The following VPS35L variants were observed in gnomAD, a reference collection of about 807,000 sequenced individuals.
VPS35L encodes the protein VPS35 endosomal protein-sorting factor-like.
VPS35L carries 83 observed loss-of-function variants against 133.0 expected under a neutral mutation model. That is an observed-to-expected ratio of 0.62 (90% CI 0.52 to 0.75). The LOEUF (loss-of-function observed/expected upper bound fraction) is 0.75. VPS35L is among the 30% of genes least tolerant of loss of function. The probability of loss-of-function intolerance (pLI) is 0.00; values close to 1 mark genes in which losing one functional copy is unlikely to be tolerated. For missense variants in VPS35L, 1,083 were observed against 1,206.8 expected (o/e 0.90, Z 1.52); for synonymous variants, 423 against 449.9 (o/e 0.94, Z 0.76).
chr16:19,664,183 C>T (rs1327218501), intron 26 of VPS35L, among the ~76,000 whole-genome samples: 3 of 152,030 alleles, frequency 2.0e-5, no homozygotes, highest in Non-Finnish European at 4.4e-5. Context: ...AGCAAGGACC[C>T]CAACAATTCT....
chr16:19,562,143 A>C (rs1971048956), intron 1 of VPS35L, among the ~76,000 whole-genome samples: 1 of 152,142 alleles, frequency 6.6e-6, no homozygotes. Flanking sequence ...TGTTAAAGGA[A>C]ATGAGACAGG....
chr16:19,690,033 C>G (rs550419341), intron 28 of VPS35L, among the ~76,000 whole-genome samples: 1 of 152,258 alleles, frequency 6.6e-6, no homozygotes, highest in Non-Finnish European at 1.5e-5. Context: ...CCACCTTAGC[C>G]TCCCAAGTAT....
intron 26 of VPS35L, among the ~76,000 whole-genome samples, chr16:19,656,961 TG>T (rs1350218173): frequency 1.6e-4 from 23 of 140,714 alleles, no homozygotes; most frequent in African/African-American, 5.4e-4. Flanking sequence ...CAAAAGAACT[TG>T]TTTTTTTTTT....
intron 1 of VPS35L, among the ~76,000 whole-genome samples, chr16:19,557,825 C>G (rs12919498): frequency 0.17 from 25,657 of 151,840 alleles, 2,342 homozygotes; most frequent in African/African-American, 0.23. Context: ...CCGAGGCAGG[C>G]GGACCACCTG....
intron 27 of VPS35L, among the ~76,000 whole-genome samples, chr16:19,677,513 C>T (rs895351150): frequency 6.6e-6 from 1 of 152,144 alleles, no homozygotes; most frequent in Non-Finnish European, 1.5e-5. Flanking sequence ...AGTAAGTAGT[C>T]AGCTAGGCAC....
chr16:19,616,122 G>A lies in VPS35L; in HGVS notation c.1032G>A (p.Met344Ile). ...YARAYLCRVG[M>I]EVAPHLKETL... ...CATTTGTCTGGCTGCAGGTGGGAAT[G>A]GAAGTGGCCCCACATCTCAAAGAAA... Residue 344 changes from methionine (M) to isoleucine (I), a missense_variant, in exon 13 of 31, where the codon ATG (methionine) becomes ATA (isoleucine). Transcript: ENST00000417362. The A allele has an allele frequency of 1.2e-6, 2 of 1,613,078 alleles. No homozygotes were observed. The highest frequency in any genetic ancestry group is 1.7e-6 in the Non-Finnish European group (2 of 1,179,260).
rs543316684 is a variant in VPS35L at position 19,653,443 on chromosome 16, G to A, written c.2221+1353G>A. Among the ~76,000 whole-genome samples the A allele has an allele frequency of 7.2e-5, 11 of 152,326 alleles. No individual in the cohort carries two copies. In the South Asian group the frequency reaches 2.1e-3, roughly 29 times the overall value. On this transcript the variant is annotated intron_variant, in intron 26 of 30. Transcript: ENST00000417362. ...GCCACATGGGGCCGGTGCTGTGGCTGGTGCCTTATTACCCAGGTGAGTAAA... is the reference window on the plus strand; with the variant it reads ...GCCACATGGGGCCGGTGCTGTGGCTAGTGCCTTATTACCCAGGTGAGTAAA...
At chr16:19,680,910 A>C (rs1975248932) in intron 27 of VPS35L, among the ~76,000 whole-genome samples, 1 of 109,320 alleles carries the variant, frequency 9.1e-6, no homozygotes. Flanking sequence ...CTGTCTCAGA[A>C]CCCGCCCCCC....
chr16:19,616,991 C>G, intron 14 of VPS35L, 183 bp downstream of exon 14: 1 of 850,776 alleles, frequency 1.2e-6, no homozygotes, highest in Non-Finnish European at 1.9e-6. Context: ...CTGAGATAGT[C>G]TCATTTTGAC....
intron 18 of VPS35L, among the ~76,000 whole-genome samples, chr16:19,630,774 G>T (rs1321562376): frequency 6.6e-6 from 1 of 152,022 alleles, no homozygotes; most frequent in African/African-American, 2.4e-5. Context: ...TCCTTATGAA[G>T]GAGATTAATG....
chr16:19,629,622 AATAAAAGATC>A (rs1175534627), intron 17 of VPS35L, 135 bp from the exon 18 acceptor site: 1 of 585,574 alleles, frequency 1.7e-6, no homozygotes, highest in African/African-American at 1.9e-5. Flanking sequence ...GATATTCCTA[AATAAAAGATC>A]AGCCTTTAAG....
chr16:19,618,570 T>G (rs917518405), intron 14 of VPS35L, among the ~76,000 whole-genome samples: 1 of 152,200 alleles, frequency 6.6e-6, no homozygotes, highest in Non-Finnish European at 1.5e-5. Flanking sequence ...TAAGTGGCAG[T>G]GTGGCCTAGT....
intron 1 of VPS35L, among the ~76,000 whole-genome samples, chr16:19,556,259 T>G (rs768782790): frequency 2.3e-4 from 35 of 152,082 alleles, no homozygotes; most frequent in Non-Finnish European, 4.6e-4. Flanking sequence ...GACAGTATAA[T>G]GGGGCAGACG....
At chr16:19,650,345 C>T (rs376847068) in intron 24 of VPS35L, 37 bp from the exon 25 acceptor site, 36 of 1,516,914 alleles carry the variant, frequency 2.4e-5, no homozygotes, top group Non-Finnish European at 2.8e-5. Flanking sequence ...AATCGGCCAT[C>T]GCTTCATTAC....
intron 9 of VPS35L, among the ~76,000 whole-genome samples, chr16:19,605,379 C>A (rs1000625721): frequency 6.6e-6 from 1 of 152,178 alleles, no homozygotes; most frequent in East Asian, 1.9e-4. Flanking sequence ...AGCCCAAGTG[C>A]TGAAGTCTAA....
intron 20 of VPS35L, among the ~76,000 whole-genome samples, chr16:19,638,511 A>G (rs1405450553): frequency 6.6e-6 from 1 of 152,246 alleles, no homozygotes; most frequent in Non-Finnish European, 1.5e-5. Context: ...AGTTTCATAT[A>G]TAAATTAGGC....
chr16:19,586,767 T>C (rs374761543), intron 7 of VPS35L, among the ~76,000 whole-genome samples: 22 of 152,362 alleles, frequency 1.4e-4, no homozygotes, highest in Middle Eastern at 3.4e-3. Context: ...AGAAGTGTTA[T>C]AATTTTAGCA....
chr16:19,555,828 T>G, intron 1 of VPS35L, 82 bp downstream of exon 1: 2 of 1,492,662 alleles, frequency 1.3e-6, no homozygotes, highest in Non-Finnish European at 1.8e-6. Flanking sequence ...AGAGTGTGAA[T>G]TCCTCTCTGT....
rs543937969 is a variant in VPS35L, at chr16:19,593,918, A to G, written c.724+2044A>G. Reference sequence around the variant, plus strand: ...GGCGACAGGGCGAGACTCCGTCTCCAAAAAAAAAAAAGAAAAGAGAAAAAA... The same window carrying G: ...GGCGACAGGGCGAGACTCCGTCTCCGAAAAAAAAAAAGAAAAGAGAAAAAA... On this transcript the variant is annotated intron_variant, in intron 8 of 30. Transcript: ENST00000417362. Among the ~76,000 whole-genome samples, 93 of 134,906 alleles carry G rather than the reference A, an allele frequency of 6.9e-4. 1 individual carries two copies. Among genetic ancestry groups the G allele is most frequent in the Non-Finnish European group, 1.3e-3 (81 of 64,320 alleles). 88.5% of individuals were successfully genotyped at this position (134,906 alleles called of 152,430 possible).
Sources: gnomAD v4.1 joint callset for allele counts (sites outside exome capture counted in the v4.1 genomes callset) on GRCh38, gnomAD v4.1.1 for gene constraint, MANE v1.5 for transcripts, NCBI Gene and HGNC (gene_info 2026-07-23, HGNC 2026-07-21) for gene names.